Variants in L3MBTL2 observed in about 807,000 individuals in gnomAD.
L3MBTL2 encodes lethal(3)malignant brain tumor-like protein 2.
A neutral mutation model predicts 86.4 loss-of-function variants in L3MBTL2; 49 were observed. That is an observed-to-expected ratio of 0.57 (90% CI 0.45 to 0.72). The LOEUF is 0.72. L3MBTL2 is among the 30% of genes least tolerant of loss of function. The pLI, the probability that L3MBTL2 is intolerant of heterozygous loss-of-function variation, is 0.00. For synonymous variants in L3MBTL2, 336 were observed against 350.6 expected (o/e 0.96, Z 0.47); for missense variants, 755 against 923.7 (o/e 0.82, Z 2.37).
chr22:41,230,076 T>TCCCCCC, intron 16 of L3MBTL2, 63 bp from the exon 17 acceptor site: 1 of 912,386 alleles, frequency 1.1e-6, no homozygotes, highest in Non-Finnish European at 1.7e-6. Context: ...TCCCAGCTCC[T>TCCCCCC]CCGCCCCCAC....
rs754988896 is a variant in L3MBTL2 at position 41,227,248 on chromosome 22, T to C, written c.1747T>C (p.Cys583Arg). ...CAGCGAGTACGACCAGTGGGTGGACTGCGAGTCCCCAGACATCTACCCCGT... is the reference window on the plus strand; with the variant it reads ...CAGCGAGTACGACCAGTGGGTGGACCGCGAGTCCCCAGACATCTACCCCGT... ...WDSEYDQWVD[C>R]ESPDIYPVGW... Residue 583 changes from cysteine to arginine, a missense_variant, in exon 14 of 17, where the codon TGC becomes CGC. Cys to Arg is a radical substitution (Grantham distance 180, BLOSUM62 -3). Coordinates refer to ENST00000216237, the MANE Select transcript of L3MBTL2 (RefSeq NM_031488.5). The surrounding 1 kb of genome is among the most constrained non-coding windows in gnomAD (Gnocchi z 6.0). 1.2e-6 allele frequency: 2 copies of C among 1,613,026 alleles called. No individual in the cohort carries two copies. Among genetic ancestry groups the C allele is most frequent in the Non-Finnish European group, 1.7e-6 (2 of 1,179,924 alleles).
Position 41,224,917 on chromosome 22 carries a change from C to G in L3MBTL2, c.1252-50C>G. 2 of 1,579,678 alleles carry G rather than the reference C, an allele frequency of 1.3e-6. No homozygotes were observed. The highest frequency in any genetic ancestry group is 1.7e-6 in the Non-Finnish European group (2 of 1,150,400). The stretch of plus-strand genomic sequence containing the variant: ...CCCTCCTGAGGCCTGCTTCCCTCAC[C>G]CTTCCTCCTGGCCTGCCCAGGGAGT... On this transcript the variant is annotated intron_variant, in intron 10 of 16. Coordinates refer to ENST00000216237, the MANE Select transcript of L3MBTL2 (RefSeq NM_031488.5). The surrounding 1 kb of genome is among the most constrained non-coding windows in gnomAD (Gnocchi z 4.9).
intron 7 of L3MBTL2, 123 bp downstream of exon 7, chr22:41,220,991 C>A: frequency 8.3e-7 from 1 of 1,201,280 alleles, no homozygotes; most frequent in Non-Finnish European, 1.2e-6. Flanking sequence ...CACTTGCCCC[C>A]TGGCTTCCTG....
At position 41,208,075 on chromosome 22, in the gene L3MBTL2, G is replaced by A. The variant is rs187520713; in HGVS notation, c.25-1621G>A. Among the ~76,000 whole-genome samples, 30 of 151,700 alleles carry A rather than the reference G, an allele frequency of 2.0e-4. No homozygotes were observed. The East Asian group carries it at 5.3e-3, about 27-fold the overall frequency. The stretch of plus-strand genomic sequence containing the variant: ...TTGAACTCCTGGTCTTAAGTGATCC[G>A]CCCGCCTCGGTCACCCAAAGTGCTG... On this transcript the variant is annotated intron_variant, in intron 1 of 16. Coordinates refer to ENST00000216237, the MANE Select transcript of L3MBTL2 (RefSeq NM_031488.5).
At chr22:41,218,731 C>G (rs1414106713) in intron 5 of L3MBTL2, 3 of 152,400 alleles carry the variant, frequency 2.0e-5, no homozygotes, top group Non-Finnish European at 4.4e-5. Flanking sequence ...TCAAGCGATT[C>G]TCCTGCCTCA....
intron 8 of L3MBTL2, 196 bp downstream of exon 8, chr22:41,221,483 G>T: frequency 1.7e-6 from 1 of 589,824 alleles, no homozygotes; most frequent in Non-Finnish European, 3.1e-6. Context: ...GTCGGCCACT[G>T]CCCCACCCAG....
intron 15 of L3MBTL2, 73 bp from the exon 16 acceptor site, chr22:41,229,467 G>A (rs1293033341): frequency 1.3e-6 from 2 of 1,532,468 alleles, no homozygotes; most frequent in Admixed American, 1.9e-5. Context: ...CTGACCACTG[G>A]GTGAGACCTA....
rs747862936 is a variant in L3MBTL2 at position 41,225,962 on chromosome 22, A to T, written c.1504+21A>T. The T allele has an allele frequency of 3.1e-6, 5 of 1,611,544 alleles. No individual in the cohort carries two copies. The highest frequency in any genetic ancestry group is 3.4e-6 in the Non-Finnish European group (4 of 1,179,348). On this transcript the variant is annotated intron_variant, in intron 12 of 16. Coordinates refer to ENST00000216237, the MANE Select transcript of L3MBTL2 (RefSeq NM_031488.5). The surrounding 1 kb of genome is among the most constrained non-coding windows in gnomAD (Gnocchi z 4.1). Reference sequence around the variant, plus strand: ...AAAAGGTAAGACTAGAGAGGCCACCACCTGCTGTCCTTGCCATCAGAAGGG... The same window carrying T: ...AAAAGGTAAGACTAGAGAGGCCACCTCCTGCTGTCCTTGCCATCAGAAGGG...
chr22:41,219,249 T>C, intron 5 of L3MBTL2, 170 bp from the exon 6 acceptor site: 1 of 561,954 alleles, frequency 1.8e-6, no homozygotes. Context: ...GGCTTAGCTC[T>C]TCAAGGACAG....
At position 41,223,904 on chromosome 22, in the gene L3MBTL2, A is replaced by G. The variant is rs987701739; in HGVS notation, c.943-116A>G. 5.0e-6 allele frequency: 4 copies of G among 802,706 alleles called. No individual in the cohort carries two copies. In the African/African-American group the frequency reaches 5.1e-5, roughly 10 times the overall value. 49.7% of individuals were successfully genotyped at this position (802,706 alleles called of 1,614,324 possible). On this transcript the variant is annotated intron_variant, in intron 8 of 16. Transcript: ENST00000216237. ...AGGCAGTCTCATCTGCCACCTCCCGACTGACTGAGTGTGGGGGATAACACC... is the reference window on the plus strand; with the variant it reads ...AGGCAGTCTCATCTGCCACCTCCCGGCTGACTGAGTGTGGGGGATAACACC...
intron 15 of L3MBTL2, chr22:41,228,161 T>C: frequency 3.0e-6 from 3 of 985,466 alleles, no homozygotes; most frequent in Non-Finnish European, 3.6e-6. Flanking sequence ...CCATCCCTGA[T>C]GCCCCATGTT....
intron 2 of L3MBTL2, among the ~76,000 whole-genome samples, chr22:41,211,512 C>A (rs1342552125): frequency 6.9e-6 from 1 of 145,608 alleles, no homozygotes; most frequent in African/African-American, 2.6e-5. Context: ...GCCCCAAACT[C>A]GTTAGAAGAG....
At chr22:41,209,576 AG>A (rs2030544355) in intron 1 of L3MBTL2, 119 bp from the exon 2 acceptor site, 2 of 751,938 alleles carry the variant, frequency 2.7e-6, no homozygotes, top group African/African-American at 1.7e-5. Flanking sequence ...TGTTTGTAAA[AG>A]GGGTATTTGA....
chr22:41,212,091 C>T (rs1025265383), intron 2 of L3MBTL2, among the ~76,000 whole-genome samples: 2 of 151,796 alleles, frequency 1.3e-5, no homozygotes, highest in African/African-American at 4.8e-5. Flanking sequence ...GTCTCAATCT[C>T]CTGACTACGT....
chr22:41,228,264 T>G, intron 15 of L3MBTL2: 1 of 985,418 alleles, frequency 1.0e-6, no homozygotes, highest in Non-Finnish European at 1.2e-6. Flanking sequence ...TCCAAGGCTG[T>G]CATTCTTACC....
At chr22:41,222,289 A>G (rs918999444) in intron 8 of L3MBTL2, among the ~76,000 whole-genome samples, 1 of 152,166 alleles carries the variant, frequency 6.6e-6, no homozygotes. Flanking sequence ...GAGGAAACAA[A>G]AGCCATGCAC....
At position 41,221,195 on chromosome 22, in the gene L3MBTL2, A is replaced by G; in HGVS notation, c.854-4A>G. On this transcript the variant is annotated splice_polypyrimidine_tract_variant and splice_region_variant and intron_variant, in intron 7 of 16. Transcript: ENST00000216237. Reference sequence around the variant, plus strand: ...TAACCAGGATTCTGCTGGTGCCTCCACAGCCATCCATGCCAAGTTCACCGA... The same window carrying G: ...TAACCAGGATTCTGCTGGTGCCTCCGCAGCCATCCATGCCAAGTTCACCGA... 2.6e-6 allele frequency: 4 copies of G among 1,546,740 alleles called. No individual in the cohort carries two copies. Among genetic ancestry groups the G allele is most frequent in the Non-Finnish European group, 3.5e-6 (4 of 1,142,932 alleles).
At chr22:41,223,425 C>T (rs1285778249) in intron 8 of L3MBTL2, among the ~76,000 whole-genome samples, 2 of 152,370 alleles carry the variant, frequency 1.3e-5, no homozygotes, top group East Asian at 1.9e-4. Flanking sequence ...GCATCTTGGT[C>T]ACCATCCCTC....
Position 41,229,593 on chromosome 22 carries a change from C to G in L3MBTL2, c.1942C>G (p.Pro648Ala). ...TRPLRQGSKK[P>A]LLEDDPQGAR... ...ACCCCTCAGACAGGGGTCCAAGAAG[C>G]CCCTGCTGGAGGACGACCCTCAGGG... The change falls in exon 16 of 17, where the codon CCC (proline) becomes GCC (alanine). Residue 648 changes from proline (P) to alanine (A), a missense_variant. Pro to Ala is a conservative substitution (Grantham distance 27). This residue lies in a region of L3MBTL2 where 634 missense variants were observed against 748.9 expected (regional missense o/e 0.85). Transcript: ENST00000216237. 1 of 1,613,734 alleles carries G rather than the reference C, an allele frequency of 6.2e-7. No individual in the cohort carries two copies. The highest frequency in any genetic ancestry group is 8.5e-7 in the Non-Finnish European group (1 of 1,179,740).
Sources: gnomAD v4.1 joint callset for allele counts (sites outside exome capture counted in the v4.1 genomes callset) on GRCh38, gnomAD v4.1.1 for gene constraint, gnomAD v4.1.1 regional missense constraint, Gnocchi (gnomAD v3.1) non-coding constraint, MANE v1.5 for transcripts, NCBI Gene and HGNC (gene_info 2026-07-23, HGNC 2026-07-21) for gene names.